LAMA2: variants seen among roughly 807,000 people sequenced by gnomAD.
The protein encoded by LAMA2 is laminin subunit alpha-2.
LAMA2 carries 269 observed loss-of-function variants against 364.8 expected under a neutral mutation model. That is an observed-to-expected ratio of 0.74 (90% CI 0.67 to 0.82). LAMA2 has a LOEUF of 0.82. Among genes scored for constraint, LAMA2 ranks in the 40% least tolerant of loss-of-function variants. The pLI is 0.00. For synonymous variants in LAMA2, 1,379 were observed against 1,370.6 expected, an observed-to-expected ratio of 1.01 and a Z score of -0.14; for missense variants, 3,807 against 3,873.2, an observed-to-expected ratio of 0.98 and a Z score of 0.45.
chr6:129,270,020 A>T (rs1325337520), intron 16 of LAMA2, among the ~76,000 whole-genome samples: 1 of 152,052 alleles, frequency 6.6e-6, no homozygotes, highest in Non-Finnish European at 1.5e-5. Flanking sequence ...AAAATTTTTC[A>T]ATTTTCTCCA....
At chr6:129,432,031 A>G (rs891206877) in intron 41 of LAMA2, among the ~76,000 whole-genome samples, 5 of 152,160 alleles carry the variant, frequency 3.3e-5, no homozygotes, top group Admixed American at 3.3e-4. Flanking sequence ...TTAAAGATAT[A>G]CTCCTTTTGA....
intron 39 of LAMA2, 92 bp downstream of exon 39, chr6:129,402,579 C>G: frequency 7.8e-7 from 1 of 1,283,266 alleles, no homozygotes; most frequent in Non-Finnish European, 1.1e-6. Flanking sequence ...TTTTCAAATC[C>G]TGATTTCTGT....
intron 1 of LAMA2, among the ~76,000 whole-genome samples, chr6:128,983,699 T>C (rs1783035488): frequency 6.6e-6 from 1 of 152,328 alleles, no homozygotes; most frequent in East Asian, 1.9e-4. Context: ...ACAGCTGCTT[T>C]AGAGCTGAAT....
At chr6:128,991,551 T>C (rs1181513254) in intron 1 of LAMA2, among the ~76,000 whole-genome samples, 1 of 152,226 alleles carries the variant, frequency 6.6e-6, no homozygotes, top group African/African-American at 2.4e-5. Flanking sequence ...TAAAGCAATC[T>C]GCTTTTCATA....
chr6:129,390,665 T>C (rs1779268639), intron 35 of LAMA2, among the ~76,000 whole-genome samples: 1 of 152,198 alleles, frequency 6.6e-6, no homozygotes, highest in African/African-American at 2.4e-5. Context: ...CAGGAAACTT[T>C]AGTCTAAAAC....
chr6:129,500,777 AAAGTTCCCCATAACATACAGCTGC>A (rs1261539492), intron 58 of LAMA2, among the ~76,000 whole-genome samples: 1 of 152,190 alleles, frequency 6.6e-6, no homozygotes, highest in Non-Finnish European at 1.5e-5. Flanking sequence ...CAGCAATCCA[AAAGTTCCCCATAACATACAGCTGC>A]TACCGGGAGT....
chr6:129,072,648 A>T (rs993862731), intron 3 of LAMA2, among the ~76,000 whole-genome samples: 2 of 151,704 alleles, frequency 1.3e-5, no homozygotes, highest in African/African-American at 4.8e-5. Context: ...TAACTTTCTT[A>T]CTTTTGGAAT....
Position 129,019,432 on chromosome 6 carries a change from C to A in LAMA2, c.113-30486C>A, listed in dbSNP as rs1785275175. Among the ~76,000 whole-genome samples the A allele has an allele frequency of 2.0e-5, 3 of 151,378 alleles. No homozygotes were observed. The South Asian group carries it at 6.2e-4, about 32-fold the overall frequency. ...TTGTTGTATTGGTGATTGATATTAT[C>A]ATTTCTCTCATATTTTCAGTATTTT... On this transcript the variant is annotated intron_variant, in intron 1 of 64. Coordinates refer to ENST00000421865, the MANE Select transcript of LAMA2 (RefSeq NM_000426.4).
chr6:129,323,307 T>G (rs1775078440), intron 28 of LAMA2, among the ~76,000 whole-genome samples: 1 of 152,196 alleles, frequency 6.6e-6, no homozygotes, highest in Non-Finnish European at 1.5e-5. Flanking sequence ...ACAAAATGTA[T>G]AGTATTCTAG....
At position 129,460,191 on chromosome 6, in the gene LAMA2, T is replaced by C. The variant is rs949714827; in HGVS notation, c.6868-9T>C. Reference sequence around the variant, plus strand: ...AAATTCTAGCAAATAACGGTATTTCTTTCTGCAGAAGGCTGATGCTGTACG... The same window carrying C: ...AAATTCTAGCAAATAACGGTATTTCCTTCTGCAGAAGGCTGATGCTGTACG... On this transcript the variant is annotated splice_polypyrimidine_tract_variant and intron_variant, in intron 48 of 64. Coordinates refer to ENST00000421865, the MANE Select transcript of LAMA2 (RefSeq NM_000426.4). The C allele has an allele frequency of 1.9e-6, 3 of 1,611,834 alleles. No homozygotes were observed. The highest frequency in any genetic ancestry group is 2.5e-6 in the Non-Finnish European group (3 of 1,178,336).
At chr6:129,252,666 A>T (rs942726097) in intron 14 of LAMA2, among the ~76,000 whole-genome samples, 1 of 152,218 alleles carries the variant, frequency 6.6e-6, no homozygotes, top group Non-Finnish European at 1.5e-5. Flanking sequence ...AGTGGTTTTT[A>T]AAATATTTCC....
chr6:129,184,124 A>C (rs2115025102), intron 10 of LAMA2, among the ~76,000 whole-genome samples: 1 of 152,030 alleles, frequency 6.6e-6, no homozygotes, highest in East Asian at 1.9e-4. Flanking sequence ...AGTAGAGATA[A>C]GTTTCTGTTC....
chr6:129,425,121 G>A (rs1000421224), intron 40 of LAMA2, among the ~76,000 whole-genome samples: 1 of 151,998 alleles, frequency 6.6e-6, no homozygotes, highest in East Asian at 1.9e-4. Flanking sequence ...ACAGAGGGAA[G>A]AGAAGGAAGG....
intron 42 of LAMA2, among the ~76,000 whole-genome samples, chr6:129,440,505 A>C (rs1041611251): frequency 6.6e-6 from 1 of 152,140 alleles, no homozygotes; most frequent in African/African-American, 2.4e-5. Context: ...CATGAAGCTC[A>C]TGTGGATAAA....
intron 3 of LAMA2, among the ~76,000 whole-genome samples, chr6:129,061,727 T>C (rs1242030616): frequency 6.6e-6 from 1 of 152,222 alleles, no homozygotes; most frequent in East Asian, 1.9e-4. Flanking sequence ...CCAAGACATA[T>C]TTTATGCTTC....
Position 129,366,370 on chromosome 6 carries a change from G to A in LAMA2, c.4860+9G>A. Reference sequence around the variant, plus strand: ...TGACTCAGGAGCTAAAGGTAGGTTGGTGCAGTCACAAGCAAGGGCCAGGGA... The same window carrying A: ...TGACTCAGGAGCTAAAGGTAGGTTGATGCAGTCACAAGCAAGGGCCAGGGA... On this transcript the variant is annotated intron_variant, in intron 33 of 64. Coordinates refer to ENST00000421865, the MANE Select transcript of LAMA2 (RefSeq NM_000426.4). 6.2e-7 allele frequency: 1 copy of A among 1,613,182 alleles called. No individual in the cohort carries two copies. Among genetic ancestry groups the A allele is most frequent in the South Asian group, 1.1e-5 (1 of 91,006 alleles).
intron 3 of LAMA2, among the ~76,000 whole-genome samples, chr6:129,088,984 G>T (rs1027714030): frequency 8.7e-6 from 1 of 115,560 alleles, no homozygotes; most frequent in Non-Finnish European, 2.1e-5. Context: ...GGAGGTTGTA[G>T]CTAGCCGAGA....
intron 63 of LAMA2, 111 bp from the exon 64 acceptor site, chr6:129,514,262 A>C: frequency 1.2e-6 from 1 of 849,424 alleles, no homozygotes; most frequent in East Asian, 2.6e-5. Context: ...CATCCATTTC[A>C]AATGATTCTG....
chr6:128,896,451 AGAGTTAAT>A (rs1312889790), intron 1 of LAMA2, among the ~76,000 whole-genome samples: 3 of 151,938 alleles, frequency 2.0e-5, no homozygotes, highest in African/African-American at 7.3e-5. Flanking sequence ...TAACACTGAA[AGAGTTAAT>A]TGATGTGTCC....
Sources: gnomAD v4.1 joint callset for allele counts (sites outside exome capture counted in the v4.1 genomes callset) on GRCh38, gnomAD v4.1.1 for gene constraint, MANE v1.5 for transcripts, NCBI Gene and HGNC (gene_info 2026-07-23, HGNC 2026-07-21) for gene names.